DNAAF11: variants seen among roughly 807,000 people sequenced by gnomAD.
The protein encoded by DNAAF11 is dynein axonemal assembly factor 11.
DNAAF11 carries 45 observed loss-of-function variants against 60.8 expected under a neutral mutation model. The ratio of observed to expected loss-of-function variants is 0.74; its 90% CI spans 0.58 to 0.95. DNAAF11 has a LOEUF of 0.95. Among genes scored for constraint, DNAAF11 ranks in the 40% least tolerant of loss-of-function variants. The pLI, the probability that DNAAF11 is intolerant of heterozygous loss-of-function variation, is 0.00. For synonymous variants in DNAAF11, 191 were observed against 183.5 expected, an observed-to-expected ratio of 1.04 and a Z score of -0.33; for missense variants, 546 against 546.2, an observed-to-expected ratio of 1.00 and a Z score of 0.00.
intron 11 of DNAAF11, chr8:132,578,316 G>T: frequency 1.6e-6 from 1 of 618,806 alleles, no homozygotes; most frequent in Non-Finnish European, 2.7e-6. Context: ...ATTACTCATG[G>T]ATCTCTGGAG....
chr8:132,588,634 G>A (rs1299040567), intron 10 of DNAAF11, among the ~76,000 whole-genome samples: 2 of 152,210 alleles, frequency 1.3e-5, no homozygotes, highest in Non-Finnish European at 2.9e-5. Flanking sequence ...GCCCAAGGGA[G>A]GGAGCTGTGC....
At chr8:132,652,942 A>G (rs542932469) in intron 3 of DNAAF11, among the ~76,000 whole-genome samples, 2 of 152,340 alleles carry the variant, frequency 1.3e-5, no homozygotes, top group South Asian at 4.1e-4. Context: ...AGTATAATAA[A>G]AAAAAAGTAC....
At chr8:132,629,297 T>C (rs561773284) in intron 5 of DNAAF11, among the ~76,000 whole-genome samples, 18 of 152,230 alleles carry the variant, frequency 1.2e-4, no homozygotes, top group Admixed American at 5.2e-4. Context: ...CACACATTCT[T>C]TTTAAAGTCA....
chr8:132,656,190 G>A (rs759369080), intron 3 of DNAAF11, among the ~76,000 whole-genome samples: 25 of 152,092 alleles, frequency 1.6e-4, no homozygotes, highest in Non-Finnish European at 2.6e-4. Flanking sequence ...TATCAAAAAA[G>A]CAAGGTAATT....
At chr8:132,662,988 C>T (rs561872001) in intron 1 of DNAAF11, among the ~76,000 whole-genome samples, 56 of 152,334 alleles carry the variant, frequency 3.7e-4, no homozygotes, top group African/African-American at 1.3e-3. Flanking sequence ...GATACGGGTG[C>T]TTGCAATGAC....
At chr8:132,632,012 T>C (rs2130444882) in intron 5 of DNAAF11, among the ~76,000 whole-genome samples, 1 of 150,430 alleles carries the variant, frequency 6.6e-6, no homozygotes, top group Middle Eastern at 3.4e-3. Context: ...ACTTAAAGTA[T>C]AATTTAAAAA....
chr8:132,643,903 G>A (rs1387340560), intron 3 of DNAAF11, among the ~76,000 whole-genome samples: 2 of 152,206 alleles, frequency 1.3e-5, no homozygotes, highest in African/African-American at 4.8e-5. Context: ...ATATTACTAT[G>A]CTAAAAATAT....
In DNAAF11 at chr8:132,610,241, A is replaced by C. The variant is rs1339965508; in HGVS notation, c.1065T>G (p.Pro355=). ...AACTACTATCGGGTTTCACTTCTGC[A>C]GGAAGGACAAGCTGAAATGGCTGAA... ...IKGKPFQLVL[P]AEVKPDSSSA... Residue 355 remains proline (P), a synonymous_variant, in exon 10 of 12, where the codon CCT becomes CCG. Transcript: ENST00000620350. 2 of 1,613,630 alleles carry C rather than the reference A, an allele frequency of 1.2e-6. No individual in the cohort carries two copies. The highest frequency in any genetic ancestry group is 1.3e-5 in the African/African-American group (1 of 75,050).
intron 1 of DNAAF11, among the ~76,000 whole-genome samples, chr8:132,673,916 C>A (rs1471561233): frequency 1.3e-5 from 2 of 152,010 alleles, no homozygotes; most frequent in Non-Finnish European, 2.9e-5. Context: ...GCAAGTCTGA[C>A]AAGTTAATGA....
chr8:132,678,636 G>A (rs909681929), upstream of DNAAF11, among the ~76,000 whole-genome samples: 6 of 151,868 alleles, frequency 4.0e-5, no homozygotes, highest in East Asian at 1.9e-4. Flanking sequence ...CCTCCCGCCT[G>A]GGCATCTTAA....
At chr8:132,587,859 G>A (rs890372610) in intron 10 of DNAAF11, among the ~76,000 whole-genome samples, 1 of 152,170 alleles carries the variant, frequency 6.6e-6, no homozygotes, top group Non-Finnish European at 1.5e-5. Flanking sequence ...CAGTACGAGA[G>A]TTCACTTTTC....
chr8:132,663,391 G>T (rs1294188770), intron 1 of DNAAF11, among the ~76,000 whole-genome samples: 1 of 152,220 alleles, frequency 6.6e-6, no homozygotes, highest in Non-Finnish European at 1.5e-5. Flanking sequence ...AATGGGTACA[G>T]CCAGAGGATA....
chr8:132,583,830 C>A (rs758867729), intron 10 of DNAAF11, 51 bp from the exon 11 acceptor site: 1 of 1,195,350 alleles, frequency 8.4e-7, no homozygotes, highest in African/African-American at 1.5e-5. Flanking sequence ...CCTTGATGTA[C>A]CTTAAAAAAT....
chr8:132,583,656 A>G, intron 11 of DNAAF11, 38 bp downstream of exon 11: 2 of 1,501,654 alleles, frequency 1.3e-6, no homozygotes, highest in Non-Finnish European at 1.9e-6. Flanking sequence ...TGAAGAGAAC[A>G]ATATAATACA....
the DNAAF11 span, among the ~76,000 whole-genome samples, chr8:132,693,615 A>G: frequency 6.6e-6 from 1 of 151,976 alleles, no homozygotes; most frequent in Non-Finnish European, 1.5e-5. Flanking sequence ...ACTAATAAAC[A>G]GGTAATTTCA....
At chr8:132,664,130 C>A (rs958179437) in intron 1 of DNAAF11, among the ~76,000 whole-genome samples, 1 of 152,228 alleles carries the variant, frequency 6.6e-6, no homozygotes, top group Admixed American at 6.5e-5. Flanking sequence ...GATACATAGG[C>A]CTTTACTTAT....
At chr8:132,631,904 T>C (rs1170534359) in intron 5 of DNAAF11, among the ~76,000 whole-genome samples, 1 of 151,968 alleles carries the variant, frequency 6.6e-6, no homozygotes, top group African/African-American at 2.4e-5. Context: ...TTAGGAGATA[T>C]ACCTAATGTT....
intron 10 of DNAAF11, among the ~76,000 whole-genome samples, chr8:132,599,515 A>C (rs1817376153): frequency 6.6e-6 from 1 of 152,332 alleles, no homozygotes; most frequent in African/African-American, 2.4e-5. Flanking sequence ...CATCGGTGCA[A>C]AAATCCTCAA....
At chr8:132,608,955 A>C (rs1170708206) in intron 10 of DNAAF11, among the ~76,000 whole-genome samples, 1 of 152,162 alleles carries the variant, frequency 6.6e-6, no homozygotes, top group African/African-American at 2.4e-5. Context: ...TTATTACAGA[A>C]ATCTTTTTGG....
Sources: gnomAD v4.1 joint callset for allele counts (sites outside exome capture counted in the v4.1 genomes callset) on GRCh38, gnomAD v4.1.1 for gene constraint, MANE v1.5 for transcripts, NCBI Gene and HGNC (gene_info 2026-07-23, HGNC 2026-07-21) for gene names.